Variants in FBXW7 observed in about 807,000 individuals in gnomAD.
The protein encoded by FBXW7 is F-box and WD repeat domain containing 7.
A neutral mutation model predicts 86.3 loss-of-function variants in FBXW7; 11 were observed. The ratio of observed to expected loss-of-function variants is 0.13; its 90% CI spans 0.08 to 0.21. The LOEUF (loss-of-function observed/expected upper bound fraction) is 0.21, where lower values mean the gene tolerates loss of function less well. Ranked by LOEUF, FBXW7 falls within the 10% of genes least tolerant of loss-of-function variation. The probability of loss-of-function intolerance (pLI) is 1.00; values close to 1 mark genes in which losing one functional copy is unlikely to be tolerated. For synonymous variants in FBXW7, 313 were observed against 297.9 expected (o/e 1.05, Z -0.52); for missense variants, 488 against 847.4 (o/e 0.58, Z 5.27).
rs1554005724 is a variant in FBXW7 at position 152,536,010 on chromosome 4, G to GGCGGCGGCGGCA, written c.-1097_-1096insTGCCGCCGCCGC. On this transcript the variant is annotated 5_prime_UTR_variant, in exon 1 of 14. Coordinates refer to ENST00000281708, the MANE Select transcript of FBXW7 (RefSeq NM_001349798.2). ...CGCTCTCAGTCTCAGCGGCGGCGGC[G>GGCGGCGGCGGCA]GCGGCAGCGGCAGCGGCAGCGCCCG... The GGCGGCGGCGGCA allele has an allele frequency of 1.8e-5, 4 of 225,478 alleles. No individual in the cohort carries two copies. Among genetic ancestry groups the GGCGGCGGCGGCA allele is most frequent in the Non-Finnish European group, 3.4e-5 (4 of 117,724 alleles). The allele number at this position is 225,478 out of a possible 1,614,324, so 14.0% of individuals were successfully genotyped here. A position where few individuals can be genotyped will look rare whatever the true frequency, so the allele number is the denominator to read the frequency against.
chr4:152,337,226 T>C (rs1481997913), intron 7 of FBXW7, among the ~76,000 whole-genome samples: 1 of 151,864 alleles, frequency 6.6e-6, no homozygotes, highest in Admixed American at 6.6e-5. Context: ...ATGTAATTAG[T>C]ATGGGAAATC....
At chr4:152,417,323 A>T (rs1288597334) in intron 2 of FBXW7, among the ~76,000 whole-genome samples, 2 of 152,160 alleles carry the variant, frequency 1.3e-5, no homozygotes, top group African/African-American at 4.8e-5. Flanking sequence ...TATTTCAGTG[A>T]ATGGAATCAT....
At chr4:152,466,936 C>T (rs982229851) in intron 2 of FBXW7, among the ~76,000 whole-genome samples, 6 of 151,384 alleles carry the variant, frequency 4.0e-5, no homozygotes, top group South Asian at 2.1e-4. Flanking sequence ...AGCGAGATTC[C>T]GTCTCAAAAT....
intron 2 of FBXW7, among the ~76,000 whole-genome samples, chr4:152,455,869 C>T (rs1180345557): frequency 1.3e-5 from 2 of 152,128 alleles, no homozygotes; most frequent in African/African-American, 4.8e-5. Context: ...TTACACTGGG[C>T]TCACCTGGAC....
At chr4:152,373,964 A>C (rs527623718) in intron 4 of FBXW7, among the ~76,000 whole-genome samples, 1 of 152,180 alleles carries the variant, frequency 6.6e-6, no homozygotes, top group African/African-American at 2.4e-5. Context: ...AAGGATCTAA[A>C]ATAGAATGGT....
At chr4:152,443,046 T>A (rs1214282708) in intron 2 of FBXW7, among the ~76,000 whole-genome samples, 1 of 152,188 alleles carries the variant, frequency 6.6e-6, no homozygotes, top group East Asian at 1.9e-4. Context: ...GCGGATAACC[T>A]GAGGTTGGGA....
chr4:152,395,143 AGT>A (rs1736310117), intron 4 of FBXW7, among the ~76,000 whole-genome samples: 1 of 152,090 alleles, frequency 6.6e-6, no homozygotes, highest in Non-Finnish European at 1.5e-5. Context: ...ACTACACACC[AGT>A]GTTTTGCAAA....
At chr4:152,375,252 G>A (rs924624219) in intron 4 of FBXW7, among the ~76,000 whole-genome samples, 4 of 151,976 alleles carry the variant, frequency 2.6e-5, no homozygotes, top group African/African-American at 4.8e-5. Flanking sequence ...TATATACTTT[G>A]GGAGAGGTTG....
At chr4:152,411,101 T>C (rs1737907657) in intron 4 of FBXW7, 3 of 915,066 alleles carry the variant, frequency 3.3e-6, no homozygotes, top group South Asian at 6.6e-5. Context: ...TTTCCCTCCA[T>C]TTGTACTCAG....
chr4:152,459,206 TACC>T (rs1028709972), intron 2 of FBXW7, among the ~76,000 whole-genome samples: 4 of 152,186 alleles, frequency 2.6e-5, no homozygotes, highest in African/African-American at 9.7e-5. Flanking sequence ...GCATTCAATC[TACC>T]ACAAGTGCTA....
intron 2 of FBXW7, among the ~76,000 whole-genome samples, chr4:152,460,583 C>T (rs77904667): frequency 0.014 from 2,088 of 152,308 alleles, 26 homozygotes; most frequent in Middle Eastern, 0.037. Context: ...TAGCTGAACA[C>T]AGAATTCTTA....
chr4:152,400,413 C>T (rs1736821471), intron 4 of FBXW7, among the ~76,000 whole-genome samples: 1 of 152,118 alleles, frequency 6.6e-6, no homozygotes. Context: ...ATGATCTTGG[C>T]TCACCACATC....
intron 4 of FBXW7, among the ~76,000 whole-genome samples, chr4:152,398,854 C>T (rs1457462376): frequency 6.6e-6 from 1 of 151,986 alleles, no homozygotes; most frequent in African/African-American, 2.4e-5. Flanking sequence ...AAAAGAATCT[C>T]ACTAATAAGA....
intron 2 of FBXW7, among the ~76,000 whole-genome samples, chr4:152,501,628 A>G (rs1746957301): frequency 6.6e-6 from 1 of 152,200 alleles, no homozygotes; most frequent in African/African-American, 2.4e-5. Flanking sequence ...AGCTCCACTG[A>G]AAATCTTTCC....
chr4:152,436,356 A>G (rs1740380323), intron 2 of FBXW7, among the ~76,000 whole-genome samples: 1 of 152,268 alleles, frequency 6.6e-6, no homozygotes, highest in African/African-American at 2.4e-5. Context: ...ATGAAGGCTG[A>G]GAGAGGTGAG....
At chr4:152,524,665 A>G (rs946350505) in intron 2 of FBXW7, among the ~76,000 whole-genome samples, 6 of 152,072 alleles carry the variant, frequency 3.9e-5, no homozygotes, top group African/African-American at 1.2e-4. Flanking sequence ...ACTCTCCCTG[A>G]TATCTGCCTC....
Position 152,519,669 on chromosome 4 carries a change from C to G in FBXW7, c.-120+15272G>C, listed in dbSNP as rs562604649. On this transcript the variant is annotated intron_variant, in intron 2 of 13. Coordinates refer to ENST00000281708, the MANE Select transcript of FBXW7 (RefSeq NM_001349798.2). Reference sequence around the variant, plus strand: ...ATTCAAATGACGGACTTCAATTTCACAATTATTTTGTATAATGACATAAAA... The same window carrying G: ...ATTCAAATGACGGACTTCAATTTCAGAATTATTTTGTATAATGACATAAAA... Among the ~76,000 whole-genome samples the G allele has an allele frequency of 3.9e-5, 6 of 152,326 alleles. No individual in the cohort carries two copies. The East Asian group carries it at 1.2e-3, about 29-fold the overall frequency.
At chr4:152,366,587 T>C (rs1733501630) in intron 4 of FBXW7, among the ~76,000 whole-genome samples, 1 of 152,164 alleles carries the variant, frequency 6.6e-6, no homozygotes, top group Admixed American at 6.6e-5. Context: ...TGAGATACCA[T>C]CTCACACCAG....
chr4:152,484,961 CAA>C (rs369258930), intron 2 of FBXW7, among the ~76,000 whole-genome samples: 13 of 102,968 alleles, frequency 1.3e-4, no homozygotes, highest in East Asian at 2.6e-4. Flanking sequence ...GACTCTGTCT[CAA>C]AAAAAAAAAA....
Sources: gnomAD v4.1 joint callset for allele counts (sites outside exome capture counted in the v4.1 genomes callset) on GRCh38, gnomAD v4.1.1 for gene constraint, MANE v1.5 for transcripts, NCBI Gene and HGNC (gene_info 2026-07-23, HGNC 2026-07-21) for gene names.